The following PPEF2 variants were observed in gnomAD, a reference collection of about 807,000 sequenced individuals.
The protein encoded by PPEF2 is serine/threonine-protein phosphatase with EF-hands 2.
PPEF2 carries 84 observed loss-of-function variants against 84.7 expected under a neutral mutation model. The ratio of observed to expected loss-of-function variants is 0.99; its 90% CI spans 0.83 to 1.19. PPEF2 has a LOEUF of 1.19. PPEF2 is among the 50% of genes most tolerant of loss of function. The pLI, the probability that PPEF2 is intolerant of heterozygous loss-of-function variation, is 0.00. For synonymous variants in PPEF2, 346 were observed against 345.2 expected (o/e 1.00, Z -0.03); for missense variants, 924 against 937.5 (o/e 0.99, Z 0.19).
In PPEF2 at chr4:75,860,908, A is replaced by G. The variant is rs1560477697; in HGVS notation, c.2021T>C (p.Leu674Pro). The G allele has an allele frequency of 3.1e-6, 5 of 1,614,090 alleles. No individual in the cohort carries two copies. The highest frequency in any genetic ancestry group is 4.2e-6 in the Non-Finnish European group (5 of 1,179,906). The change falls in exon 17 of 17, where the codon CTG becomes CCG. Residue 674 changes from leucine to proline, a missense_variant. Leu to Pro is a moderately conservative substitution (Grantham distance 98). Transcript: ENST00000286719. Reference sequence around the variant, plus strand: ...CTTCCAGGTCTGCCTGAACTCGTCCAGTGAGATGAACCCTTATCAGAGGGA... The same window carrying G: ...CTTCCAGGTCTGCCTGAACTCGTCCGGTGAGATGAACCCTTATCAGAGGGA... ...IDSDHSGFISLDEFRQTWKLF... is the reference protein window; with the variant it reads ...IDSDHSGFISPDEFRQTWKLF...
chr4:75,889,612 TC>T, intron 5 of PPEF2, among the ~76,000 whole-genome samples: 1 of 152,334 alleles, frequency 6.6e-6, no homozygotes, highest in Non-Finnish European at 1.5e-5. Context: ...ATTGTCTGCC[TC>T]CCCGATGGAA....
In PPEF2 at chr4:75,860,900, A is replaced by G. The variant is rs1462573773; in HGVS notation, c.2029T>C (p.Phe677Leu). The G allele has an allele frequency of 6.2e-7, 1 of 1,614,056 alleles. No homozygotes were observed. Residue 677 changes from phenylalanine to leucine, a missense_variant, in exon 17 of 17, where the codon TTC (phenylalanine) becomes CTC (leucine). Physicochemically the swap from Phe to Leu is conservative, Grantham distance 22. Transcript: ENST00000286719. ...CTGAACAGCTTCCAGGTCTGCCTGA[A>G]CTCGTCCAGTGAGATGAACCCTTAT... ...DHSGFISLDE[F>L]RQTWKLFSSH...
At chr4:75,863,424 C>T (rs1366060450) in intron 16 of PPEF2, among the ~76,000 whole-genome samples, 6 of 150,300 alleles carry the variant, frequency 4.0e-5, no homozygotes, top group South Asian at 4.2e-4. Context: ...CACTTGAACC[C>T]GGGAGGTGGA....
At chr4:75,873,057 A>C (rs1177992168) in intron 12 of PPEF2, 70 bp downstream of exon 12, 1 of 1,440,340 alleles carries the variant, frequency 6.9e-7, no homozygotes, top group African/African-American at 1.4e-5. Flanking sequence ...GCCTTTGCTC[A>C]TCCAGGCCTG....
chr4:75,867,556 A>G, intron 13 of PPEF2, 137 bp from the exon 14 acceptor site: 1 of 607,016 alleles, frequency 1.6e-6, no homozygotes, highest in Non-Finnish European at 2.9e-6. Flanking sequence ...GAGCGCCTTT[A>G]CTCTTCCCTG....
At chr4:75,877,946 T>C (rs1546568) in intron 10 of PPEF2, among the ~76,000 whole-genome samples, 14,398 of 152,216 alleles carry the variant, frequency 0.095, 2,201 homozygotes, top group African/African-American at 0.32. Context: ...AAAGGGCAAC[T>C]CTGTCTCAGG....
chr4:75,893,007 A>G (rs998162272), intron 2 of PPEF2, among the ~76,000 whole-genome samples: 5 of 152,338 alleles, frequency 3.3e-5, no homozygotes, highest in African/African-American at 1.2e-4. Flanking sequence ...TAGACAGATA[A>G]TAGAATTCTT....
At chr4:75,862,321 A>C (rs1297068327) in intron 16 of PPEF2, among the ~76,000 whole-genome samples, 1 of 136,308 alleles carries the variant, frequency 7.3e-6, no homozygotes, top group African/African-American at 2.7e-5. Flanking sequence ...AAAAAAAAAA[A>C]ACTTTCGGGC....
At chr4:75,882,157 T>C (rs1458681615) in intron 10 of PPEF2, among the ~76,000 whole-genome samples, 1 of 152,240 alleles carries the variant, frequency 6.6e-6, no homozygotes, top group African/African-American at 2.4e-5. Flanking sequence ...GGTTATTTTG[T>C]GTTCCTTTAG....
At chr4:75,901,287 G>T (rs186889525) in intron 1 of PPEF2, among the ~76,000 whole-genome samples, 24 of 152,096 alleles carry the variant, frequency 1.6e-4, no homozygotes, top group Admixed American at 4.6e-4. Flanking sequence ...AGGCTGAGGC[G>T]GTTGGATCCC....
At chr4:75,888,025 C>G (rs1005781330) in intron 6 of PPEF2, among the ~76,000 whole-genome samples, 189 bp downstream of exon 6, 1 of 152,146 alleles carries the variant, frequency 6.6e-6, no homozygotes, top group Non-Finnish European at 1.5e-5. Flanking sequence ...GGTCCATGAT[C>G]CCCTTCGCTG....
At chr4:75,893,004 A>C (rs1724925775) in intron 2 of PPEF2, among the ~76,000 whole-genome samples, 1 of 152,222 alleles carries the variant, frequency 6.6e-6, no homozygotes, top group African/African-American at 2.4e-5. Flanking sequence ...CATTAGACAG[A>C]TAATAGAATT....
rs574789501 is a variant in PPEF2, at chr4:75,883,981, A to G, written c.746+613T>C. Among the ~76,000 whole-genome samples, 18 of 150,740 alleles carry G rather than the reference A, an allele frequency of 1.2e-4. No individual in the cohort carries two copies. The East Asian group carries it at 2.2e-3, about 18-fold the overall frequency. On this transcript the variant is annotated intron_variant, in intron 8 of 16. Coordinates refer to ENST00000286719, the MANE Select transcript of PPEF2 (RefSeq NM_006239.3). ...CCGTCTCTACTAAAAATACAAAAAA[A>G]AATTAGCCGGGCGTGGTGGCAGGTG...
Position 75,873,416 on chromosome 4 carries a change from T to G in PPEF2, c.1321-104A>C, listed in dbSNP as rs191634683. On this transcript the variant is annotated intron_variant, in intron 11 of 16. Transcript: ENST00000286719. ...GAGGAGGAAAATATTTGAATAAAAATAAGTGAATAAATGTCCATGCAAGCA... is the reference window on the plus strand; with the variant it reads ...GAGGAGGAAAATATTTGAATAAAAAGAAGTGAATAAATGTCCATGCAAGCA... 5,005 of 1,093,618 alleles carry G rather than the reference T, an allele frequency of 4.6e-3. 17 individuals carry two copies. Among genetic ancestry groups the G allele is most frequent in the Non-Finnish European group, 5.6e-3 (4,297 of 772,958 alleles). The allele number at this position is 1,093,618 out of a possible 1,614,324, so 67.7% of individuals were successfully genotyped here.
At chr4:75,862,185 C>T (rs555947987) in intron 16 of PPEF2, among the ~76,000 whole-genome samples, 2 of 150,442 alleles carry the variant, frequency 1.3e-5, no homozygotes, top group East Asian at 2.0e-4. Flanking sequence ...CCCAGCTACT[C>T]AGCAGGCTGA....
intron 13 of PPEF2, among the ~76,000 whole-genome samples, chr4:75,869,838 C>T (rs4859560): frequency 0.99 from 150,645 of 151,938 alleles, 74,695 homozygotes; most frequent in Middle Eastern, 1. Flanking sequence ...CACAGCGAGA[C>T]CCTGTCTCAC....
intron 1 of PPEF2, among the ~76,000 whole-genome samples, chr4:75,901,898 G>C (rs746332172): frequency 2.0e-5 from 3 of 152,076 alleles, no homozygotes; most frequent in Non-Finnish European, 4.4e-5. Flanking sequence ...CCAGGAGTTC[G>C]AGGCTGTAGT....
At chr4:75,890,861 G>A (rs558950477) in intron 4 of PPEF2, among the ~76,000 whole-genome samples, 12 of 152,314 alleles carry the variant, frequency 7.9e-5, no homozygotes, top group African/African-American at 2.4e-4. Flanking sequence ...TCCTGGATCC[G>A]GATGGCAGGC....
At chr4:75,882,148 G>T (rs1724592007) in intron 10 of PPEF2, among the ~76,000 whole-genome samples, 2 of 152,020 alleles carry the variant, frequency 1.3e-5, no homozygotes, top group South Asian at 4.1e-4. Context: ...ACACATTCTG[G>T]TTATTTTGTG....
Sources: gnomAD v4.1 joint callset for allele counts (sites outside exome capture counted in the v4.1 genomes callset) on GRCh38, gnomAD v4.1.1 for gene constraint, MANE v1.5 for transcripts, NCBI Gene and HGNC (gene_info 2026-07-23, HGNC 2026-07-21) for gene names.